The following CDH9 variants were observed in gnomAD, a reference collection of about 807,000 sequenced individuals.
CDH9 encodes the protein cadherin-9.
CDH9 carries 28 observed loss-of-function variants against 70.9 expected under a neutral mutation model. The observed-to-expected ratio is 0.40, with a 90% CI of 0.29 to 0.54. The LOEUF is 0.54. CDH9 is among the 20% of genes least tolerant of loss of function. The pLI, the probability that CDH9 is intolerant of heterozygous loss-of-function variation, is 0.59. For synonymous variants in CDH9, 409 were observed against 343.1 expected, an observed-to-expected ratio of 1.19 and a Z score of -2.12; for missense variants, 874 against 984.4, an observed-to-expected ratio of 0.89 and a Z score of 1.50.
intron 2 of CDH9, among the ~76,000 whole-genome samples, chr5:26,967,438 A>C (rs1742148077): frequency 6.6e-6 from 1 of 152,198 alleles, no homozygotes; most frequent in Non-Finnish European, 1.5e-5. Flanking sequence ...AATTAAAATT[A>C]TATCAATCCA....
chr5:26,948,830 T>C (rs1741797421), intron 2 of CDH9, among the ~76,000 whole-genome samples: 1 of 152,182 alleles, frequency 6.6e-6, no homozygotes, highest in Non-Finnish European at 1.5e-5. Flanking sequence ...ATTGTTTAAG[T>C]GAACACGACC....
chr5:26,901,137 A>G (rs1258600791), intron 7 of CDH9, among the ~76,000 whole-genome samples: 1 of 151,998 alleles, frequency 6.6e-6, no homozygotes, highest in Non-Finnish European at 1.5e-5. Flanking sequence ...ATTTTAATTA[A>G]GCATTTTATG....
At chr5:26,923,530 C>A (rs1741284217) in intron 2 of CDH9, among the ~76,000 whole-genome samples, 2 of 151,914 alleles carry the variant, frequency 1.3e-5, no homozygotes, top group African/African-American at 2.4e-5. Context: ...ACAAAAAAAT[C>A]AACAAAGAAA....
chr5:26,915,472 T>C (rs1741132255), intron 3 of CDH9, among the ~76,000 whole-genome samples, 158 bp downstream of exon 3: 1 of 151,960 alleles, frequency 6.6e-6, no homozygotes, highest in Admixed American at 6.6e-5. Flanking sequence ...TTAAGATATA[T>C]AGAAATAAAA....
At chr5:26,907,311 C>G (rs958006627) in intron 3 of CDH9, among the ~76,000 whole-genome samples, 5 of 152,010 alleles carry the variant, frequency 3.3e-5, no homozygotes, top group African/African-American at 9.7e-5. Flanking sequence ...GAGAAAATTT[C>G]TATGAAGAAA....
chr5:26,947,979 T>C (rs1468968817), intron 2 of CDH9, among the ~76,000 whole-genome samples: 1 of 152,122 alleles, frequency 6.6e-6, no homozygotes, highest in African/African-American at 2.4e-5. Context: ...TTGAAAAAAG[T>C]AAAGGAAATT....
chr5:26,938,647 T>C lies in CDH9; in HGVS notation c.229-22723A>G, dbSNP rs189616285. Among the ~76,000 whole-genome samples, 344 of 152,278 alleles carry C rather than the reference T, an allele frequency of 2.3e-3. 1 individual carries two copies. Among genetic ancestry groups the C allele is most frequent in the Middle Eastern group, 0.01 (3 of 294 alleles). ...TTCGGCATTTGCACATATATGTCAA[T>C]GCTCTCTTCAAATACATGTATAAAA... On this transcript the variant is annotated intron_variant, in intron 2 of 11. Transcript: ENST00000231021.
rs75684900 is a variant in CDH9, at chr5:27,000,467, C to T, written c.-49-12085G>A. ...AAACTATTTGGAAGATTCTACACACCCATACACTCAACAAAACAAAGATAC... is the reference window on the plus strand; with the variant it reads ...AAACTATTTGGAAGATTCTACACACTCATACACTCAACAAAACAAAGATAC... On this transcript the variant is annotated intron_variant, in intron 1 of 11. Transcript: ENST00000231021. Among the ~76,000 whole-genome samples, 1,480 of 152,066 alleles carry T rather than the reference C, an allele frequency of 9.7e-3. 26 individuals are homozygous for T. Among genetic ancestry groups the T allele is most frequent in the African/African-American group, 0.034 (1,409 of 41,492 alleles).
At chr5:26,952,071 C>G (rs1361294075) in intron 2 of CDH9, among the ~76,000 whole-genome samples, 5 of 150,600 alleles carry the variant, frequency 3.3e-5, no homozygotes, top group Non-Finnish European at 1.5e-5. Context: ...ACCTCCGCCT[C>G]TCGGGTTCAA....
intron 1 of CDH9, among the ~76,000 whole-genome samples, chr5:27,022,858 G>C (rs1163048147): frequency 1.3e-5 from 2 of 151,910 alleles, no homozygotes; most frequent in African/African-American, 2.4e-5. Flanking sequence ...TCTTAGAAAA[G>C]GTCTTCAGGG....
intron 1 of CDH9, among the ~76,000 whole-genome samples, chr5:27,023,480 A>G (rs904009739): frequency 6.6e-6 from 1 of 152,084 alleles, no homozygotes; most frequent in Non-Finnish European, 1.5e-5. Context: ...GTAAAAATAT[A>G]TAGATTCTCA....
At chr5:27,001,964 A>G (rs775784638) in intron 1 of CDH9, among the ~76,000 whole-genome samples, 11 of 152,018 alleles carry the variant, frequency 7.2e-5, no homozygotes, top group South Asian at 2.1e-4. Flanking sequence ...AACTTGAGCA[A>G]CAGAATAAAT....
At chr5:26,947,478 C>T (rs1326431201) in intron 2 of CDH9, among the ~76,000 whole-genome samples, 1 of 152,114 alleles carries the variant, frequency 6.6e-6, no homozygotes, top group Non-Finnish European at 1.5e-5. Flanking sequence ...ATTATGGCTA[C>T]TTAGCAGAGA....
chr5:26,960,706 T>C (rs1310904641), intron 2 of CDH9, among the ~76,000 whole-genome samples: 1 of 152,018 alleles, frequency 6.6e-6, no homozygotes, highest in Admixed American at 6.6e-5. Context: ...ATTGTAAATC[T>C]TATTTAATAT....
intron 1 of CDH9, among the ~76,000 whole-genome samples, chr5:27,000,893 T>C (rs942507729): frequency 6.6e-6 from 1 of 152,130 alleles, no homozygotes; most frequent in Non-Finnish European, 1.5e-5. Context: ...TTAAGTTATA[T>C]GACATTCTGC....
At chr5:26,902,035 T>A (rs557320053) in intron 7 of CDH9, among the ~76,000 whole-genome samples, 5 of 152,032 alleles carry the variant, frequency 3.3e-5, no homozygotes, top group African/African-American at 1.2e-4. Context: ...TAGTTCCTTA[T>A]TAATTTGAAC....
At chr5:26,930,513 A>T (rs551305717) in intron 2 of CDH9, among the ~76,000 whole-genome samples, 2 of 152,274 alleles carry the variant, frequency 1.3e-5, no homozygotes, top group South Asian at 4.1e-4. Flanking sequence ...GGTTGAAAAA[A>T]ATCTGCATAT....
At chr5:27,028,992 G>A (rs1022002645) in intron 1 of CDH9, among the ~76,000 whole-genome samples, 70 of 151,942 alleles carry the variant, frequency 4.6e-4, no homozygotes, top group African/African-American at 1.6e-3. Context: ...TGGCAAAAGA[G>A]GTATTAATTT....
At chr5:26,992,354 T>A (rs1742591474) in intron 1 of CDH9, among the ~76,000 whole-genome samples, 1 of 152,106 alleles carries the variant, frequency 6.6e-6, no homozygotes, top group Non-Finnish European at 1.5e-5. Flanking sequence ...AGAGCTCTTA[T>A]GAATGAGATG....
Sources: allele counts gnomAD v4.1 joint callset (sites outside exome capture counted in the v4.1 genomes callset), GRCh38; gene constraint gnomAD v4.1.1; transcripts MANE v1.5; gene names NCBI Gene and HGNC (gene_info 2026-07-23, HGNC 2026-07-21).